ST8SIA2: variants seen among roughly 807,000 people sequenced by gnomAD.
ST8SIA2 encodes ST8 alpha-N-acetyl-neuraminide alpha-2,8-sialyltransferase 2, also known as alpha-2,8-sialyltransferase 8B.
In ST8SIA2, 22 loss-of-function variants were observed where a neutral mutation model predicts 37.6. The ratio of observed to expected loss-of-function variants is 0.58; its 90% CI spans 0.42 to 0.83. The LOEUF (loss-of-function observed/expected upper bound fraction) is 0.83. ST8SIA2 is among the 40% of genes least tolerant of loss of function. The probability of loss-of-function intolerance (pLI) is 0.00; values close to 1 mark genes in which losing one functional copy is unlikely to be tolerated. For missense variants in ST8SIA2, 382 were observed against 484.7 expected, an observed-to-expected ratio of 0.79 and a Z score of 1.99; for synonymous variants, 205 against 201.2, an observed-to-expected ratio of 1.02 and a Z score of -0.16.
chr15:92,459,903 T>C (rs2049945842), intron 5 of ST8SIA2, among the ~76,000 whole-genome samples: 1 of 152,202 alleles, frequency 6.6e-6, no homozygotes, highest in African/African-American at 2.4e-5. Context: ...AGAATTTGCA[T>C]AAAAATCCTG....
chr15:92,435,898 C>T (rs551914156), intron 3 of ST8SIA2, among the ~76,000 whole-genome samples: 4 of 152,286 alleles, frequency 2.6e-5, no homozygotes, highest in African/African-American at 9.6e-5. Flanking sequence ...CCTAAAACAA[C>T]AGAAATGTAT....
intron 3 of ST8SIA2, among the ~76,000 whole-genome samples, chr15:92,436,487 G>C (rs1382772547): frequency 1.3e-5 from 2 of 152,158 alleles, no homozygotes; most frequent in Non-Finnish European, 2.9e-5. Context: ...CATAATAAAA[G>C]ATTCTGCAAG....
intron 5 of ST8SIA2, among the ~76,000 whole-genome samples, chr15:92,447,179 G>A (rs1249227403): frequency 2.0e-5 from 3 of 152,172 alleles, no homozygotes; most frequent in African/African-American, 7.2e-5. Flanking sequence ...GGTAAAGGCA[G>A]CAGGATTTGC....
chr15:92,433,637 A>T (rs987158088), intron 2 of ST8SIA2, among the ~76,000 whole-genome samples: 8 of 152,212 alleles, frequency 5.3e-5, no homozygotes, highest in African/African-American at 1.9e-4. Context: ...AGCACCCGCT[A>T]TGTTAGACCA....
chr15:92,417,197 A>G (rs2049593249), intron 1 of ST8SIA2, among the ~76,000 whole-genome samples: 1 of 152,210 alleles, frequency 6.6e-6, no homozygotes, highest in Non-Finnish European at 1.5e-5. Context: ...CCCATCAGGA[A>G]CCAGAACTCC....
At chr15:92,403,055 AT>A (rs999191639) in intron 1 of ST8SIA2, among the ~76,000 whole-genome samples, 7 of 152,102 alleles carry the variant, frequency 4.6e-5, no homozygotes, top group African/African-American at 1.7e-4. Context: ...GCCAGGCTTA[AT>A]GCAAGGAGAT....
rs754592405 is a variant in ST8SIA2 at position 92,444,885 on chromosome 15, G to A, written c.798G>A (p.Val266=). Reference sequence around the variant, plus strand: ...TTATCCTGAAGCACCACGTCAACGTGCGCACTGCATACCCCTCGCTGCGCC... The same window carrying A: ...TTATCCTGAAGCACCACGTCAACGTACGCACTGCATACCCCTCGCTGCGCC... ...NELILKHHVN[V]RTAYPSLRLL... The change falls in exon 5 of 6, where the codon GTG becomes GTA. Residue 266 remains valine, a synonymous_variant. Coordinates refer to ENST00000268164, the MANE Select transcript of ST8SIA2 (RefSeq NM_006011.4). The A allele has an allele frequency of 6.2e-7, 1 of 1,613,314 alleles. No homozygotes were observed. The highest frequency in any genetic ancestry group is 1.7e-5 in the Admixed American group (1 of 60,016).
chr15:92,432,087 C>T (rs1474595509), intron 2 of ST8SIA2, among the ~76,000 whole-genome samples: 1 of 152,290 alleles, frequency 6.6e-6, no homozygotes, highest in South Asian at 2.1e-4. Flanking sequence ...CTAGTGCCAT[C>T]CAGTGTGCCC....
At chr15:92,436,844 G>T (rs2049762314) in intron 3 of ST8SIA2, among the ~76,000 whole-genome samples, 1 of 152,146 alleles carries the variant, frequency 6.6e-6, no homozygotes, top group African/African-American at 2.4e-5. Context: ...TGTTCTAGCT[G>T]CCCCCTGGCT....
At chr15:92,448,511 A>G (rs927584084) in intron 5 of ST8SIA2, among the ~76,000 whole-genome samples, 32 of 152,250 alleles carry the variant, frequency 2.1e-4, no homozygotes, top group African/African-American at 6.5e-4. Flanking sequence ...ACTGTGGCCT[A>G]GCATCAAAAC....
At chr15:92,409,036 T>A (rs2049530412) in intron 1 of ST8SIA2, among the ~76,000 whole-genome samples, 1 of 152,158 alleles carries the variant, frequency 6.6e-6, no homozygotes, top group African/African-American at 2.4e-5. Context: ...GACACCCACT[T>A]TCATTTTTGC....
chr15:92,434,831 C>T (rs2141831547), intron 3 of ST8SIA2, among the ~76,000 whole-genome samples: 1 of 152,330 alleles, frequency 6.6e-6, no homozygotes, highest in Non-Finnish European at 1.5e-5. Flanking sequence ...TCCTCCCTAA[C>T]AACGTGAAAA....
chr15:92,423,474 G>A (rs1318018700), intron 1 of ST8SIA2, among the ~76,000 whole-genome samples: 1 of 152,256 alleles, frequency 6.6e-6, no homozygotes, highest in African/African-American at 2.4e-5. Flanking sequence ...CTATGACAGA[G>A]TATCACAGGC....
At chr15:92,444,259 G>C (rs2049824319) in intron 4 of ST8SIA2, among the ~76,000 whole-genome samples, 1 of 152,104 alleles carries the variant, frequency 6.6e-6, no homozygotes, top group African/African-American at 2.4e-5. Context: ...TTAGAGCCTG[G>C]GAGTCTGCCT....
chr15:92,403,825 C>A (rs964372575), intron 1 of ST8SIA2, among the ~76,000 whole-genome samples: 1 of 152,138 alleles, frequency 6.6e-6, no homozygotes, highest in African/African-American at 2.4e-5. Context: ...GGATGATGCC[C>A]AAATTGTATG....
At chr15:92,426,523 C>A (rs145775423) in intron 1 of ST8SIA2, among the ~76,000 whole-genome samples, 1 of 152,120 alleles carries the variant, frequency 6.6e-6, no homozygotes. Flanking sequence ...TATCCCAAAT[C>A]AGCGAGATTT....
chr15:92,420,600 C>CA (rs1299320331), intron 1 of ST8SIA2, among the ~76,000 whole-genome samples: 2 of 152,030 alleles, frequency 1.3e-5, no homozygotes, highest in Non-Finnish European at 2.9e-5. Context: ...GGAATCGAAG[C>CA]AAAAAGATAA....
rs995887092 is a variant in ST8SIA2, at chr15:92,467,032, C to T, written c.*2647C>T. 1 of 152,708 alleles carries T rather than the reference C, an allele frequency of 6.5e-6. No individual in the cohort carries two copies. Among genetic ancestry groups the T allele is most frequent in the Admixed American group, 6.5e-5 (1 of 15,284 alleles). The allele number at this position is 152,708 out of a possible 1,614,324, so 9.5% of individuals were successfully genotyped here. On this transcript the variant is annotated 3_prime_UTR_variant, in exon 6 of 6. Transcript: ENST00000268164. ...TGGGCCTCCACCCTCAGCCAGCCCT[C>T]ACTGCTGACAGGCACCCCTCTGTCA...
chr15:92,461,694 G>A (rs1232750695), intron 5 of ST8SIA2, among the ~76,000 whole-genome samples: 1 of 152,230 alleles, frequency 6.6e-6, no homozygotes, highest in African/African-American at 2.4e-5. Flanking sequence ...TGAAGCTGGA[G>A]GGTGGCACGG....
Sources: allele counts gnomAD v4.1 joint callset (sites outside exome capture counted in the v4.1 genomes callset), GRCh38; gene constraint gnomAD v4.1.1; transcripts MANE v1.5; gene names NCBI Gene and HGNC (gene_info 2026-07-23, HGNC 2026-07-21).